The following ADD1 variants were observed in gnomAD, a reference collection of about 807,000 sequenced individuals.
ADD1 encodes the protein alpha-adducin.
In ADD1, 24 loss-of-function variants were observed where a neutral mutation model predicts 80.5. The observed-to-expected ratio is 0.30, with a 90% CI of 0.22 to 0.42. The LOEUF is 0.42. Among genes scored for constraint, ADD1 ranks in the 10% least tolerant of loss-of-function variants. The pLI, the probability that ADD1 is intolerant of heterozygous loss-of-function variation, is 1.00. For missense variants in ADD1, 948 were observed against 1,019.0 expected, an observed-to-expected ratio of 0.93 and a Z score of 0.95; for synonymous variants, 373 against 393.8, an observed-to-expected ratio of 0.95 and a Z score of 0.63.
At chr4:2,881,324 C>T (rs914595701) in intron 2 of ADD1, among the ~76,000 whole-genome samples, 4 of 152,046 alleles carry the variant, frequency 2.6e-5, no homozygotes, top group African/African-American at 9.7e-5. Flanking sequence ...GGTGATCCAC[C>T]TGCCTTCGCC....
chr4:2,889,930 G>A (rs1436831480), intron 4 of ADD1, among the ~76,000 whole-genome samples: 1 of 152,238 alleles, frequency 6.6e-6, no homozygotes, highest in Non-Finnish European at 1.5e-5. Context: ...TGGGTGCAGT[G>A]GCTCACGCCT....
At position 2,926,204 on chromosome 4, in the gene ADD1, A is replaced by G. The variant is rs1711572737; in HGVS notation, c.2047+92A>G. 4 of 1,114,990 alleles carry G rather than the reference A, an allele frequency of 3.6e-6. No individual in the cohort carries two copies. The highest frequency in any genetic ancestry group is 4.1e-6 in the Non-Finnish European group (3 of 735,256). 69.1% of individuals were successfully genotyped at this position (1,114,990 alleles called of 1,614,324 possible). A position where few individuals can be genotyped will look rare whatever the true frequency, so the allele number is the denominator to read the frequency against. On this transcript the variant is annotated intron_variant, in intron 15 of 15. Coordinates refer to ENST00000683351, the MANE Select transcript of ADD1 (RefSeq NM_001354761.2). This position sits in a 1 kb window ranked among gnomAD's most constrained non-coding sequence, Gnocchi z 5.0. ...TGTGGCGGGAGTCGTGTTAACAGCA[A>G]CACGGAAGTGTGTGCTTGCATCAGC...
At chr4:2,924,216 AC>A (rs397881458) in intron 14 of ADD1, among the ~76,000 whole-genome samples, 1 of 152,188 alleles carries the variant, frequency 6.6e-6, no homozygotes. Flanking sequence ...CAAGTTTGAG[AC>A]CCTCACGGAG....
chr4:2,911,627 G>C (rs1351318987), intron 13 of ADD1, among the ~76,000 whole-genome samples: 1 of 151,582 alleles, frequency 6.6e-6, no homozygotes, highest in Non-Finnish European at 1.5e-5. Context: ...CTAAATTTTT[G>C]TATTTTTTTG....
intron 6 of ADD1, among the ~76,000 whole-genome samples, chr4:2,897,118 C>A (rs1313733648): frequency 6.6e-6 from 1 of 152,068 alleles, no homozygotes; most frequent in Non-Finnish European, 1.5e-5. Context: ...TGTATGAGAG[C>A]TGATACTTTG....
intron 1 of ADD1, among the ~76,000 whole-genome samples, chr4:2,852,178 C>CTTTCTTTCTTTCTT (rs1727237511): frequency 1.5e-4 from 9 of 58,558 alleles, no homozygotes; most frequent in African/African-American, 6.8e-4. Context: ...TTCTTTCTTT[C>CTTTCTTTCTTTCTT]TTTCTTTCTT....
At chr4:2,899,808 C>G in intron 9 of ADD1, 1 of 343,310 alleles carries the variant, frequency 2.9e-6, no homozygotes, top group East Asian at 8.3e-5. Flanking sequence ...TTTGTCTTAA[C>G]AGCAAATCCT....
intron 4 of ADD1, among the ~76,000 whole-genome samples, chr4:2,890,212 A>G (rs1020306917): frequency 7.2e-5 from 11 of 152,138 alleles, no homozygotes; most frequent in East Asian, 3.8e-4. Flanking sequence ...AAAAAAAGAA[A>G]TAATATCTGG....
intron 4 of ADD1, among the ~76,000 whole-genome samples, chr4:2,885,603 C>G (rs1362503936): frequency 1.3e-5 from 2 of 151,880 alleles, no homozygotes; most frequent in Non-Finnish European, 2.9e-5. Flanking sequence ...GGAATTCCAC[C>G]CTTCCTGCCT....
At chr4:2,928,114 C>A in intron 15 of ADD1, 57 bp from the exon 16 acceptor site, 1 of 1,481,648 alleles carries the variant, frequency 6.7e-7, no homozygotes. Context: ...CCATCTCAAG[C>A]TGCCCTTTGA....
chr4:2,850,913 G>T (rs1726985265), intron 1 of ADD1, among the ~76,000 whole-genome samples: 1 of 152,222 alleles, frequency 6.6e-6, no homozygotes, highest in South Asian at 2.1e-4. Flanking sequence ...ATTTGGGGTT[G>T]ACTGGGGCTC....
intron 1 of ADD1, among the ~76,000 whole-genome samples, chr4:2,850,093 A>C (rs1351185929): frequency 1.3e-5 from 2 of 152,238 alleles, no homozygotes; most frequent in Non-Finnish European, 2.9e-5. Flanking sequence ...GGATCAACAA[A>C]ATGTGGTCTG....
intron 13 of ADD1, among the ~76,000 whole-genome samples, chr4:2,914,431 T>C (rs549460440): frequency 3.9e-5 from 6 of 152,254 alleles, no homozygotes; most frequent in African/African-American, 1.4e-4. Flanking sequence ...AACTTACCTG[T>C]GCTCTTAGAA....
At chr4:2,854,512 A>G (rs1370232838) in intron 1 of ADD1, among the ~76,000 whole-genome samples, 1 of 152,130 alleles carries the variant, frequency 6.6e-6, no homozygotes, top group Non-Finnish European at 1.5e-5. Context: ...TAGATTTGTC[A>G]GTTTCTCTGT....
At chr4:2,866,167 G>GTTATT (rs1435097564) in intron 1 of ADD1, among the ~76,000 whole-genome samples, 13 of 152,108 alleles carry the variant, frequency 8.5e-5, no homozygotes, top group African/African-American at 2.2e-4. Flanking sequence ...GATTCTGGAT[G>GTTATT]TTATTTTATT....
At chr4:2,909,043 A>G in intron 12 of ADD1, 1 of 486,204 alleles carries the variant, frequency 2.1e-6, no homozygotes, top group Non-Finnish European at 3.7e-6. Context: ...CATTTCTACA[A>G]AATGACTCTA....
intron 4 of ADD1, among the ~76,000 whole-genome samples, chr4:2,891,094 G>A (rs1734227147): frequency 6.6e-6 from 1 of 151,132 alleles, no homozygotes; most frequent in Non-Finnish European, 1.5e-5. Flanking sequence ...GGACCAGCTT[G>A]GGCAACATAG....
In ADD1 at chr4:2,898,256, G is replaced by T; in HGVS notation, c.814G>T (p.Asp272Tyr). The T allele has an allele frequency of 6.2e-7, 1 of 1,614,198 alleles. No homozygotes were observed. Among genetic ancestry groups the T allele is most frequent in the Admixed American group, 1.7e-5 (1 of 60,026 alleles). The change falls in exon 7 of 16, where the codon GAC (aspartate) becomes TAC (tyrosine). Residue 272 changes from aspartate to tyrosine, a missense_variant. Coordinates refer to ENST00000683351, the MANE Select transcript of ADD1 (RefSeq NM_001354761.2). ...ALSLGEVAYH[D>Y]YHGILVDEEE... Reference sequence around the variant, plus strand: ...TTCCCTTGGAGAAGTGGCTTATCATGACTACCATGGCATTCTGGTTGATGA... The same window carrying T: ...TTCCCTTGGAGAAGTGGCTTATCATTACTACCATGGCATTCTGGTTGATGA...
Position 2,926,557 on chromosome 4 carries a change from T to C in ADD1, c.2047+445T>C. The C allele has an allele frequency of 6.6e-7, 1 of 1,510,932 alleles. No homozygotes were observed. Among genetic ancestry groups the C allele is most frequent in the Non-Finnish European group, 9.1e-7 (1 of 1,097,784 alleles). 93.6% of individuals were successfully genotyped at this position (1,510,932 alleles called of 1,614,324 possible). On this transcript the variant is annotated intron_variant, in intron 15 of 15. Transcript: ENST00000683351. The surrounding 1 kb of genome is among the most constrained non-coding windows in gnomAD (Gnocchi z 5.0). The stretch of plus-strand genomic sequence containing the variant: ...CTCGTGAAGCCCGTGGCCCTGCCTT[T>C]CTTCTTCTGTAACCTGATGGCTGTG...
Sources: allele counts gnomAD v4.1 joint callset (sites outside exome capture counted in the v4.1 genomes callset), GRCh38; gene constraint gnomAD v4.1.1; non-coding constraint Gnocchi (gnomAD v3.1); transcripts MANE v1.5; gene names NCBI Gene and HGNC (gene_info 2026-07-23, HGNC 2026-07-21).